The following CORO7 variants were observed in gnomAD, a reference collection of about 807,000 sequenced individuals.
CORO7 encodes coronin-7.
CORO7 carries 107 observed loss-of-function variants against 126.6 expected under a neutral mutation model. The ratio of observed to expected loss-of-function variants is 0.85; its 90% CI spans 0.72 to 0.99. The LOEUF (loss-of-function observed/expected upper bound fraction) is 0.99, where lower values mean the gene tolerates loss of function less well. Among genes scored for constraint, CORO7 ranks in the 50% least tolerant of loss-of-function variants. The pLI is 0.00. For missense variants in CORO7, 1,314 were observed against 1,255.8 expected (o/e 1.05, Z -0.70); for synonymous variants, 603 against 536.8 (o/e 1.12, Z -1.70).
chr16:4,392,727 G>T (rs1203322487), intron 7 of CORO7, among the ~76,000 whole-genome samples: 1 of 152,230 alleles, frequency 6.6e-6, no homozygotes. Flanking sequence ...GCTCACACCG[G>T]CCCTGGCTGC....
At chr16:4,360,247 A>T in intron 21 of CORO7, 31 bp downstream of exon 21, 1 of 1,613,056 alleles carries the variant, frequency 6.2e-7, no homozygotes, top group Non-Finnish European at 8.5e-7. Context: ...TGGCTTCTGA[A>T]GCCTGGGGAT....
intron 3 of CORO7, among the ~76,000 whole-genome samples, chr16:4,411,605 A>C (rs918885394): frequency 1.3e-5 from 2 of 152,150 alleles, no homozygotes; most frequent in Non-Finnish European, 2.9e-5. Flanking sequence ...TAGTACAGAG[A>C]GCAATCTCCA....
At position 4,359,640 on chromosome 16, in the gene CORO7, G is replaced by A. The variant is rs764336887; in HGVS notation, c.2109-19C>T. 1.2e-5 allele frequency: 19 copies of A among 1,575,962 alleles called. No individual in the cohort carries two copies. In the South Asian group the frequency reaches 1.5e-4, roughly 13 times the overall value. On this transcript the variant is annotated intron_variant, in intron 21 of 27. Coordinates refer to ENST00000251166, the MANE Select transcript of CORO7 (RefSeq NM_024535.5). ...ACTTTGGCTGCAAGGGGGTTTGGGGGCTGAAGCAGGTGTTTCAGAGCTGAA... is the reference window on the plus strand; with the variant it reads ...ACTTTGGCTGCAAGGGGGTTTGGGGACTGAAGCAGGTGTTTCAGAGCTGAA...
In CORO7 at chr16:4,358,055, C is replaced by T; in HGVS notation, c.2506G>A (p.Glu836Lys). The T allele has an allele frequency of 6.2e-7, 1 of 1,613,396 alleles. No individual in the cohort carries two copies. The highest frequency in any genetic ancestry group is 8.5e-7 in the Non-Finnish European group (1 of 1,179,678). ...DVFPDTAVIW[E>K]PVLSAEAWLQ... is the part of the protein sequence containing the mutation. ...CAGGCCTCGGCACTGAGCACAGGCT[C>T]CCAGATCACAGCCGTGTCTGGGAAC... is the stretch of plus-strand genomic sequence containing the variant. Residue 836 changes from glutamate (E) to lysine (K), a missense_variant, in exon 25 of 28, where the codon GAG (glutamate) becomes AAG (lysine). By Grantham distance (56) the Glu-to-Lys change is moderately conservative. Transcript: ENST00000251166.
intron 9 of CORO7, among the ~76,000 whole-genome samples, chr16:4,371,004 G>A (rs928657045): frequency 6.6e-6 from 1 of 152,242 alleles, no homozygotes; most frequent in African/African-American, 2.4e-5. Context: ...CTCCAAGGCA[G>A]GGGATTTTTC....
rs1461710243 is a variant in CORO7, at chr16:4,360,329, C to T, written c.2057G>A (p.Arg686His). Residue 686 changes from arginine to histidine, a missense_variant, in exon 21 of 28, where the codon CGC becomes CAC. Coordinates refer to ENST00000251166, the MANE Select transcript of CORO7 (RefSeq NM_024535.5). ...GCGACCATCACATACCCAGACAATG[C>T]GAGCTCCGCGTCCTCCCTTGGGCCC... Reference protein sequence around the residue: ...GPGPKGGRGARIVWVCDGRCL... With the variant: ...GPGPKGGRGAHIVWVCDGRCL... The T allele has an allele frequency of 8.7e-6, 14 of 1,613,588 alleles. No homozygotes were observed. The highest frequency in any genetic ancestry group is 6.7e-5 in the Admixed American group (4 of 60,002).
Position 4,360,489 on chromosome 16 carries a change from C to T in CORO7, c.1977G>A (p.Gly659=), listed in dbSNP as rs767657853. The T allele has an allele frequency of 7.4e-6, 12 of 1,612,228 alleles. No homozygotes were observed. Among genetic ancestry groups the T allele is most frequent in the African/African-American group, 5.3e-5 (4 of 74,886 alleles). Residue 659 remains glycine (G), a synonymous_variant, in exon 20 of 28, where the codon GGG becomes GGA. Coordinates refer to ENST00000251166, the MANE Select transcript of CORO7 (RefSeq NM_024535.5). ...TCCGGGGCCTGTAGACCCGCACACG[C>T]CCATCCTTGCAGACAGTGGCCAGCT... The part of the protein sequence containing the change: ...GQQLATVCKD[G]RVRVYRPRSG...
chr16:4,361,764 G>C (rs918469163), intron 16 of CORO7: 8 of 842,390 alleles, frequency 9.5e-6, no homozygotes, highest in Admixed American at 4.0e-5. Context: ...TGTGTGACCC[G>C]GGCAGGTCAC....
In CORO7 at chr16:4,374,086, C is replaced by CGTGT. The variant is rs112578905; in HGVS notation, c.786-8545_786-8542dup. ...GTTCTTGGAGAAGGGGGAGGGTGCA[C>CGTGT]GTGTGTGTGTGTGTGTGTGTCTGCA... On this transcript the variant is annotated intron_variant, in intron 9 of 27. Transcript: ENST00000251166. 5.0e-3 allele frequency among the ~76,000 whole-genome samples: 750 copies of CGTGT among 148,770 alleles called. 8 individuals carry two copies. Among genetic ancestry groups the CGTGT allele is most frequent in the African/African-American group, 0.017 (694 of 40,566 alleles).
At chr16:4,410,916 C>T (rs1338649080) in intron 3 of CORO7, among the ~76,000 whole-genome samples, 3 of 152,162 alleles carry the variant, frequency 2.0e-5, no homozygotes, top group South Asian at 2.1e-4. Context: ...TGGATCTGGC[C>T]GTGACAGTAG....
intron 3 of CORO7, among the ~76,000 whole-genome samples, chr16:4,409,168 G>A (rs1317930866): frequency 6.6e-6 from 1 of 152,210 alleles, no homozygotes; most frequent in Non-Finnish European, 1.5e-5. Context: ...ACCTGCTGCT[G>A]TCTGCCTCCC....
chr16:4,357,070 C>T lies in CORO7; in HGVS notation c.2685+98G>A, dbSNP rs902956691. On this transcript the variant is annotated intron_variant, in intron 26 of 27. Coordinates refer to ENST00000251166, the MANE Select transcript of CORO7 (RefSeq NM_024535.5). ...GTGAAGGGGACGTGACATGTGGCTGCTGTCCCAGTCTGGGTTGGGGATGGA... is the reference window on the plus strand; with the variant it reads ...GTGAAGGGGACGTGACATGTGGCTGTTGTCCCAGTCTGGGTTGGGGATGGA... The T allele has an allele frequency of 5.5e-6, 8 of 1,467,762 alleles. No homozygotes were observed. In the African/African-American group the frequency reaches 9.7e-5, roughly 18 times the overall value. The allele number at this position is 1,467,762 out of a possible 1,614,324, so 90.9% of individuals were successfully genotyped here. A position where few individuals can be genotyped will look rare whatever the true frequency, so the allele number is the denominator to read the frequency against.
intron 9 of CORO7, among the ~76,000 whole-genome samples, chr16:4,369,206 T>A (rs73507268): frequency 0.035 from 5,357 of 152,342 alleles, 130 homozygotes; most frequent in Admixed American, 0.09. Flanking sequence ...TCTGGACAAC[T>A]CTGCCAGGCA....
Position 4,383,150 on chromosome 16 carries a change from C to T in CORO7, c.785+4836G>A, listed in dbSNP as rs138013996. The T allele has an allele frequency of 1.3e-5, 6 of 477,048 alleles. No individual in the cohort carries two copies. In the East Asian group the frequency reaches 1.4e-4, roughly 11 times the overall value. 29.6% of individuals were successfully genotyped at this position (477,048 alleles called of 1,614,324 possible). A position where few individuals can be genotyped will look rare whatever the true frequency, so the allele number is the denominator to read the frequency against. On this transcript the variant is annotated intron_variant, in intron 9 of 27. Transcript: ENST00000251166. Reference sequence around the variant, plus strand: ...TGAGGACAGTGTCCGCCCTGCCCTCCGCAACGTGCAGTCCCTGGGCACGGC... The same window carrying T: ...TGAGGACAGTGTCCGCCCTGCCCTCTGCAACGTGCAGTCCCTGGGCACGGC...
In CORO7 at chr16:4,416,529, ACGGCGGCGGACG is replaced by A; in HGVS notation, c.-23_-12del. ...CCTGAAGCGGTTCATGGCGACGGGC[ACGGCGGCGGACG>A]CGTCTTCGAGGACCCCGGGCGTCGG... On this transcript the variant is annotated 5_prime_UTR_variant, in exon 1 of 28. Coordinates refer to ENST00000251166, the MANE Select transcript of CORO7 (RefSeq NM_024535.5). 6.4e-7 allele frequency: 1 copy of A among 1,571,754 alleles called. No homozygotes were observed. The highest frequency in any genetic ancestry group is 1.1e-5 in the South Asian group (1 of 86,958).
In CORO7 at chr16:4,364,683, C is replaced by A. The variant is rs1405163974; in HGVS notation, c.1051G>T (p.Glu351Ter). 4 of 1,583,808 alleles carry A rather than the reference C, an allele frequency of 2.5e-6. No homozygotes were observed. The highest frequency in any genetic ancestry group is 3.4e-6 in the Non-Finnish European group (4 of 1,165,886). ...IGYHVPRKAV[E>*]FHEDLFPDTA... ...TCCGGGAACAGGTCCTCGTGGAACT[C>A]CACAGCCTGGCCGCAGACAAGCAGG... The change falls in exon 13 of 28, where the codon GAG becomes TAG. Residue 351 changes from glutamate (E) to a stop codon, truncating the protein, a stop_gained. Transcript: ENST00000251166. LOFTEE classifies it high-confidence loss of function.
At chr16:4,390,872 A>C (rs543171371) in intron 7 of CORO7, among the ~76,000 whole-genome samples, 2 of 152,292 alleles carry the variant, frequency 1.3e-5, no homozygotes, top group East Asian at 3.9e-4. Flanking sequence ...AGGGAGGAGG[A>C]GCCGCCCAGG....
At chr16:4,376,425 A>G (rs1271606154) in intron 9 of CORO7, among the ~76,000 whole-genome samples, 2 of 152,128 alleles carry the variant, frequency 1.3e-5, no homozygotes, top group Non-Finnish European at 2.9e-5. Context: ...TCAGGGTCAG[A>G]CCTGCAGCGC....
chr16:4,408,231 A>C lies in CORO7; in HGVS notation c.253T>G (p.Phe85Val), dbSNP rs1184006730. 6.2e-7 allele frequency: 1 copy of C among 1,614,228 alleles called. No individual in the cohort carries two copies. The highest frequency in any genetic ancestry group is 8.5e-7 in the Non-Finnish European group (1 of 1,180,038). Residue 85 changes from phenylalanine (F) to valine (V), a missense_variant, in exon 4 of 28, where the codon TTC becomes GTC. Phe to Val is a conservative substitution (Grantham distance 50, BLOSUM62 -1). Transcript: ENST00000251166. ...CHSDLVTDLD[F>V]SPFDDFLLAT... ...AGGAGGAAGTCATCAAAGGGCGAGA[A>C]GTCCAAGTCGGTGACTAGGTCTGTG... is the stretch of plus-strand genomic sequence containing the variant.
Sources: allele counts gnomAD v4.1 joint callset (sites outside exome capture counted in the v4.1 genomes callset), GRCh38; gene constraint gnomAD v4.1.1; transcripts MANE v1.5; gene names NCBI Gene and HGNC (gene_info 2026-07-23, HGNC 2026-07-21).